The following TCF20 variants were observed in gnomAD, a reference collection of about 807,000 sequenced individuals.
The protein encoded by TCF20 is transcription factor 20, also known as SPRE-binding protein.
In TCF20, 3 loss-of-function variants were observed where a neutral mutation model predicts 148.6. The observed-to-expected ratio is 0.02, with a 90% CI of 0.01 to 0.05. The LOEUF (loss-of-function observed/expected upper bound fraction) is 0.05. Ranked by LOEUF, TCF20 falls within the 10% of genes least tolerant of loss-of-function variation. The pLI is 1.00. For missense variants in TCF20, 2,350 were observed against 2,429.3 expected (o/e 0.97, Z 0.69); for synonymous variants, 1,049 against 909.5 (o/e 1.15, Z -2.76).
At chr22:42,300,511 A>G (rs2147033396) in intron 1 of TCF20, among the ~76,000 whole-genome samples, 1 of 152,284 alleles carries the variant, frequency 6.6e-6, no homozygotes, top group East Asian at 1.9e-4. Flanking sequence ...CCCAGGGGGC[A>G]CTGAGGCCCA....
At chr22:42,219,642 G>T (rs769822512) in intron 1 of TCF20, among the ~76,000 whole-genome samples, 11 of 151,900 alleles carry the variant, frequency 7.2e-5, no homozygotes, top group Non-Finnish European at 1.5e-4. Context: ...GATCACTTGG[G>T]CTCAGGAGTT....
intron 1 of TCF20, among the ~76,000 whole-genome samples, chr22:42,237,836 T>C (rs1856760499): frequency 6.6e-6 from 1 of 152,236 alleles, no homozygotes; most frequent in Non-Finnish European, 1.5e-5. Context: ...GTCTCAACAG[T>C]GGCCTTAAAA....
intron 1 of TCF20, among the ~76,000 whole-genome samples, chr22:42,323,897 TGGTGGAGGTGGTGGTGGTGATGGA>T (rs1927789280): frequency 4.1e-5 from 3 of 74,016 alleles, no homozygotes; most frequent in African/African-American, 1.2e-4. Context: ...GAGGTTATGG[TGGTGGAGGTGGTGGTGGTGATGGA>T]GGTTATGGTG....
chr22:42,239,701 C>T (rs561815443), intron 1 of TCF20, among the ~76,000 whole-genome samples: 1 of 152,192 alleles, frequency 6.6e-6, no homozygotes, highest in South Asian at 2.1e-4. Context: ...GGGGGAGAAT[C>T]GCTAGAACCC....
chr22:42,208,260 T>C (rs1428030376), intron 2 of TCF20, among the ~76,000 whole-genome samples: 1 of 152,130 alleles, frequency 6.6e-6, no homozygotes, highest in African/African-American at 2.4e-5. Context: ...TGATTATTCT[T>C]TAAAAGTCAG....
At chr22:42,235,828 A>G (rs1394366393) in intron 1 of TCF20, among the ~76,000 whole-genome samples, 1 of 152,012 alleles carries the variant, frequency 6.6e-6, no homozygotes, top group African/African-American at 2.4e-5. Context: ...GTACCATATA[A>G]ATCAAAATTA....
intron 1 of TCF20, among the ~76,000 whole-genome samples, chr22:42,260,315 C>G (rs1925961618): frequency 6.6e-6 from 1 of 152,136 alleles, no homozygotes; most frequent in South Asian, 2.1e-4. Flanking sequence ...AGATATGACC[C>G]TGTTGGCCAC....
At chr22:42,330,604 T>C (rs1927956674) in intron 1 of TCF20, among the ~76,000 whole-genome samples, 2 of 152,228 alleles carry the variant, frequency 1.3e-5, no homozygotes, top group Admixed American at 1.3e-4. Context: ...CTGTGTGTTC[T>C]TACTATTTAT....
chr22:42,250,689 C>T (rs1925293235), intron 1 of TCF20, among the ~76,000 whole-genome samples: 1 of 152,152 alleles, frequency 6.6e-6, no homozygotes, highest in Non-Finnish European at 1.5e-5. Flanking sequence ...AGTGATTAAA[C>T]TTGCAAAATA....
Position 42,212,097 on chromosome 22 carries a change from T to A in TCF20, c.3209A>T (p.His1070Leu), listed in dbSNP as rs765523061. ...ACCTGCGTTAGGGTCCCCATAAGCA[T>A]GAGCCCGAGTATTTGCATGATAAGC... ...ASAYHANTRA[H>L]AYGDPNAGLN... The change falls in exon 2 of 6, where the codon CAT (histidine) becomes CTT (leucine). Residue 1070 changes from histidine to leucine, a missense_variant. Transcript: ENST00000677622. The A allele has an allele frequency of 6.2e-7, 1 of 1,614,154 alleles. No homozygotes were observed. The highest frequency in any genetic ancestry group is 1.1e-5 in the South Asian group (1 of 91,086).
intron 1 of TCF20, among the ~76,000 whole-genome samples, chr22:42,260,469 G>C (rs1925968953): frequency 6.6e-6 from 1 of 152,136 alleles, no homozygotes; most frequent in African/African-American, 2.4e-5. Flanking sequence ...GGAAAAACAG[G>C]AAACTAATAA....
In TCF20 at chr22:42,160,626, CA is replaced by C. The variant is rs1439397686; in HGVS notation, c.*776del. The C allele has an allele frequency of 6.8e-6, 1 of 146,640 alleles. No individual in the cohort carries two copies. Among genetic ancestry groups the C allele is most frequent in the Non-Finnish European group, 1.5e-5 (1 of 67,310 alleles). The allele number at this position is 146,640 out of a possible 1,614,324, so 9.1% of individuals were successfully genotyped here. ...CTCAGGCATCTGCCAATTTCACCCCCAAAAAGAAAAAATTAAAAAAAAAAAA... is the reference window on the plus strand; with the variant it reads ...CTCAGGCATCTGCCAATTTCACCCCCAAAAGAAAAAATTAAAAAAAAAAAA... On this transcript the variant is annotated 3_prime_UTR_variant, in exon 6 of 6. Transcript: ENST00000677622.
At chr22:42,167,456 T>A (rs1935856720) in intron 5 of TCF20, among the ~76,000 whole-genome samples, 1 of 152,166 alleles carries the variant, frequency 6.6e-6, no homozygotes, top group Non-Finnish European at 1.5e-5. Flanking sequence ...GACCCCTCAA[T>A]GAATATTTCT....
chr22:42,264,136 T>C (rs945774149), intron 1 of TCF20, among the ~76,000 whole-genome samples: 1 of 151,912 alleles, frequency 6.6e-6, no homozygotes, highest in Non-Finnish European at 1.5e-5. Flanking sequence ...ATCCGCACAG[T>C]TCCCTCCCTT....
intron 1 of TCF20, among the ~76,000 whole-genome samples, chr22:42,231,465 G>GT (rs1439548509): frequency 6.6e-6 from 1 of 152,146 alleles, no homozygotes; most frequent in Non-Finnish European, 1.5e-5. Flanking sequence ...CTGGAACAGA[G>GT]TAAGACCTTA....
Position 42,270,613 on chromosome 22 carries a change from G to T in TCF20, c.-311C>A, listed in dbSNP as rs987187365. 6.9e-6 allele frequency among the ~76,000 whole-genome samples: 1 copy of T among 145,338 alleles called. No homozygotes were observed. The highest frequency in any genetic ancestry group is 2.1e-4 in the South Asian group (1 of 4,782). ...GCAGGGGCCGAAAGCGGCTGGGCTC[G>T]GGGTTTTTTCTCTCCATTCTCCCAA... On this transcript the variant is annotated 5_prime_UTR_variant, in exon 1 of 6. Transcript: ENST00000677622.
chr22:42,209,589 T>A, intron 2 of TCF20, 62 bp downstream of exon 2: 1 of 1,516,688 alleles, frequency 6.6e-7, no homozygotes, highest in Non-Finnish European at 8.8e-7. Context: ...AACAAAAACA[T>A]GCAAGAAAAG....
At chr22:42,226,292 T>C (rs1922887190) in intron 1 of TCF20, among the ~76,000 whole-genome samples, 1 of 152,234 alleles carries the variant, frequency 6.6e-6, no homozygotes, top group Admixed American at 6.5e-5. Context: ...ATTGAATATA[T>C]TTTTTCATTC....
chr22:42,333,932 G>C (rs756176807), intron 1 of TCF20, among the ~76,000 whole-genome samples: 1 of 152,230 alleles, frequency 6.6e-6, no homozygotes, highest in Non-Finnish European at 1.5e-5. Flanking sequence ...CCAGGCCAAC[G>C]GGTGGCCCCT....
Sources: allele counts gnomAD v4.1 joint callset (sites outside exome capture counted in the v4.1 genomes callset), GRCh38; gene constraint gnomAD v4.1.1; transcripts MANE v1.5; gene names NCBI Gene and HGNC (gene_info 2026-07-23, HGNC 2026-07-21).